The following ZC3H3 variants were observed in gnomAD, a reference collection of about 807,000 sequenced individuals.
ZC3H3 encodes the protein zinc finger CCCH-type containing 3, also known as zinc finger CCCH domain-containing protein 3.
ZC3H3 carries 36 observed loss-of-function variants against 77.3 expected under a neutral mutation model. The ratio of observed to expected loss-of-function variants is 0.47; its 90% confidence interval spans 0.36 to 0.61. ZC3H3 has a LOEUF of 0.61. Ranked by LOEUF, ZC3H3 falls within the 20% of genes least tolerant of loss-of-function variation. The pLI is 0.00. For missense variants in ZC3H3, 1,331 were observed against 1,312.2 expected (o/e 1.01, Z -0.22); for synonymous variants, 626 against 555.2 (o/e 1.13, Z -1.79).
intron 3 of ZC3H3, among the ~76,000 whole-genome samples, chr8:143,512,114 C>T (rs186126138): frequency 1.3e-5 from 2 of 152,372 alleles, no homozygotes; most frequent in Admixed American, 6.5e-5. Context: ...CAGAACAGGC[C>T]TGGGGCAGCC....
At chr8:143,476,237 A>C (rs1430696618) in intron 4 of ZC3H3, among the ~76,000 whole-genome samples, 1 of 152,162 alleles carries the variant, frequency 6.6e-6, no homozygotes, top group African/African-American at 2.4e-5. Context: ...CACAGCTCAG[A>C]GAGCCCTGCA....
intron 3 of ZC3H3, among the ~76,000 whole-genome samples, chr8:143,513,300 G>T (rs1448821363): frequency 6.6e-6 from 1 of 152,134 alleles, no homozygotes; most frequent in Non-Finnish European, 1.5e-5. Context: ...AGACTGCTGA[G>T]GGGCAAAGGC....
intron 5 of ZC3H3, among the ~76,000 whole-genome samples, chr8:143,472,893 T>A (rs937740732): frequency 6.6e-6 from 1 of 152,108 alleles, no homozygotes; most frequent in Admixed American, 6.5e-5. Context: ...GCTGCTGCAG[T>A]GGGGGCCACT....
chr8:143,471,172 A>G (rs927987226), intron 5 of ZC3H3, among the ~76,000 whole-genome samples: 2 of 152,250 alleles, frequency 1.3e-5, no homozygotes, highest in African/African-American at 4.8e-5. Flanking sequence ...TTCCCAGGCC[A>G]GCACTCTCCC....
chr8:143,440,564 G>A lies in ZC3H3; in HGVS notation c.2493-201C>T, dbSNP rs573074659. Reference sequence around the variant, plus strand: ...ATGGCCCCAGCTCCACACCGAGCCTGCCCCTCACATCCAGGGCCTTGGCTT... The same window carrying A: ...ATGGCCCCAGCTCCACACCGAGCCTACCCCTCACATCCAGGGCCTTGGCTT... On this transcript the variant is annotated intron_variant, in intron 10 of 11. Transcript: ENST00000262577. Among the ~76,000 whole-genome samples, 16 of 152,288 alleles carry A rather than the reference G, an allele frequency of 1.1e-4. 1 individual carries two copies. The South Asian group carries it at 2.1e-3, about 20-fold the overall frequency.
chr8:143,479,284 C>T (rs751234084), intron 4 of ZC3H3, among the ~76,000 whole-genome samples: 7 of 152,196 alleles, frequency 4.6e-5, no homozygotes, highest in Non-Finnish European at 7.4e-5. Flanking sequence ...TGTAGCTTTT[C>T]ACGGCCGTGG....
At chr8:143,457,238 T>A (rs1456696197) in intron 9 of ZC3H3, among the ~76,000 whole-genome samples, 2 of 152,200 alleles carry the variant, frequency 1.3e-5, no homozygotes, top group South Asian at 2.1e-4. Flanking sequence ...TGTATGATTT[T>A]AATCAATACA....
In ZC3H3 at chr8:143,539,012, G is replaced by C. The variant is rs1822912467; in HGVS notation, c.355C>G (p.Gln119Glu). 1 of 1,613,080 alleles carries C rather than the reference G, an allele frequency of 6.2e-7. No individual in the cohort carries two copies. The highest frequency in any genetic ancestry group is 8.5e-7 in the Non-Finnish European group (1 of 1,180,036). Reference protein sequence around the residue: ...HVLERQVQLSQGQNVVIKVKP... With the variant: ...HVLERQVQLSEGQNVVIKVKP... ...ACTTTGATGACCACGTTCTGACCCT[G>C]ACTGAGCTGGACCTGTCTCTCAAGG... Residue 119 changes from glutamine (Q) to glutamate (E), a missense_variant, in exon 2 of 12, where the codon CAG becomes GAG. By Grantham distance (29) the Gln-to-Glu change is conservative (BLOSUM62 2). This residue lies in a region of ZC3H3 where 978 missense variants were observed against 915.5 expected (regional missense o/e 1.07). Transcript: ENST00000262577.
rs1563867686 is a variant in ZC3H3 at position 143,507,876 on chromosome 8, T to C, written c.1585A>G (p.Thr529Ala). 6.2e-7 allele frequency: 1 copy of C among 1,603,928 alleles called. No homozygotes were observed. The highest frequency in any genetic ancestry group is 8.5e-7 in the Non-Finnish European group (1 of 1,174,278). The change falls in exon 4 of 12, where the codon ACT (threonine) becomes GCT (alanine). Residue 529 changes from threonine to alanine, a missense_variant. By Grantham distance (58) the Thr-to-Ala change is moderately conservative. Around this residue, in one of 3 missense-constraint regions of ZC3H3, gnomAD observed 978 missense variants for 915.5 expected, o/e 1.07. Transcript: ENST00000262577. ...KEASSLHAVR[T>A]APTSKVIKTR... ...TTGATCACCTTGCTGGTGGGTGCAG[T>C]CCGCACGGCATGCAGGCTGGACGCT...
chr8:143,527,935 G>A lies in ZC3H3; in HGVS notation c.1561+8322C>T, dbSNP rs573107923. 4.6e-5 allele frequency among the ~76,000 whole-genome samples: 7 copies of A among 152,330 alleles called. No homozygotes were observed. The East Asian group carries it at 1.2e-3, about 25-fold the overall frequency. On this transcript the variant is annotated intron_variant, in intron 3 of 11. Coordinates refer to ENST00000262577, the MANE Select transcript of ZC3H3 (RefSeq NM_015117.3). ...CGGGCAGACAGGGCCAAAGTCTCCCGCCAGGCCACGCCCACACCACGCCTG... is the reference window on the plus strand; with the variant it reads ...CGGGCAGACAGGGCCAAAGTCTCCCACCAGGCCACGCCCACACCACGCCTG...
At chr8:143,529,886 C>A (rs1156312993) in intron 3 of ZC3H3, among the ~76,000 whole-genome samples, 2 of 152,206 alleles carry the variant, frequency 1.3e-5, no homozygotes, top group African/African-American at 4.8e-5. Flanking sequence ...AAAAGAGTCA[C>A]CCAGGCAGGA....
chr8:143,506,448 T>C (rs1465306531), intron 4 of ZC3H3, among the ~76,000 whole-genome samples: 1 of 152,126 alleles, frequency 6.6e-6, no homozygotes, highest in Non-Finnish European at 1.5e-5. Flanking sequence ...GAAATTGCAT[T>C]AGGAAAGGCC....
At chr8:143,519,981 G>A (rs891780062) in intron 3 of ZC3H3, among the ~76,000 whole-genome samples, 9 of 151,956 alleles carry the variant, frequency 5.9e-5, no homozygotes, top group South Asian at 2.1e-4. Flanking sequence ...GCCTAGGGCC[G>A]CCCCCCAGGC....
chr8:143,540,754 G>C (rs1822984271), intron 1 of ZC3H3, among the ~76,000 whole-genome samples: 2 of 152,042 alleles, frequency 1.3e-5, no homozygotes, highest in Non-Finnish European at 2.9e-5. Flanking sequence ...TCGGGAGTTA[G>C]AGACCATCCT....
At chr8:143,496,068 G>A (rs1481426091) in intron 4 of ZC3H3, among the ~76,000 whole-genome samples, 1 of 152,208 alleles carries the variant, frequency 6.6e-6, no homozygotes, top group East Asian at 1.9e-4. Flanking sequence ...CTGAGCAAAT[G>A]AGCAGACAGA....
intron 3 of ZC3H3, among the ~76,000 whole-genome samples, chr8:143,509,473 G>A (rs1269659450): frequency 1.3e-5 from 2 of 152,314 alleles, no homozygotes; most frequent in South Asian, 2.1e-4. Context: ...GGCACCCACT[G>A]GAGCACTGCC....
chr8:143,484,802 T>C (rs1157443114), intron 4 of ZC3H3: 1 of 429,986 alleles, frequency 2.3e-6, no homozygotes, highest in Non-Finnish European at 4.6e-6. Flanking sequence ...GTCACTGCTG[T>C]CTAAAGAGAC....
rs1315946363 is a variant in ZC3H3 at position 143,437,879 on chromosome 8, C to G, written c.*177G>C. 2.4e-6 allele frequency: 2 copies of G among 842,500 alleles called. No homozygotes were observed. The highest frequency in any genetic ancestry group is 3.4e-5 in the African/African-American group (2 of 59,068). The allele number at this position is 842,500 out of a possible 1,614,324, so 52.2% of individuals were successfully genotyped here. A position where few individuals can be genotyped will look rare whatever the true frequency, so the allele number is the denominator to read the frequency against. On this transcript the variant is annotated 3_prime_UTR_variant, in exon 12 of 12. Coordinates refer to ENST00000262577, the MANE Select transcript of ZC3H3 (RefSeq NM_015117.3). ...CTGGCTTGGGGGAGGAAGACCAGGC[C>G]CTGCGCACACGCTGGTCATGGAAGG... is the stretch of plus-strand genomic sequence containing the variant.
intron 3 of ZC3H3, among the ~76,000 whole-genome samples, chr8:143,532,717 G>A (rs1480840446): frequency 1.3e-5 from 2 of 152,246 alleles, no homozygotes; most frequent in Non-Finnish European, 2.9e-5. Flanking sequence ...CAGAGGACAG[G>A]CAGGCCTCAG....
Sources: allele counts gnomAD v4.1 joint callset (sites outside exome capture counted in the v4.1 genomes callset), GRCh38; gene constraint gnomAD v4.1.1; regional missense constraint gnomAD v4.1.1; transcripts MANE v1.5; gene names NCBI Gene and HGNC (gene_info 2026-07-23, HGNC 2026-07-21).